The following MAF variants were observed in gnomAD, a reference collection of about 807,000 sequenced individuals.
MAF encodes the protein MAF bZIP transcription factor, also known as transcription factor Maf.
In MAF, 10 loss-of-function variants were observed where a neutral mutation model predicts 22.0. The observed-to-expected ratio is 0.45, with a 90% CI of 0.28 to 0.77. The LOEUF is 0.77. Among genes scored for constraint, MAF ranks in the 30% least tolerant of loss-of-function variants. MAF has a pLI of 0.12. For missense variants in MAF, 544 were observed against 548.4 expected (o/e 0.99, Z 0.08); for synonymous variants, 337 against 255.8 (o/e 1.32, Z -3.03).
the MAF span, among the ~76,000 whole-genome samples, chr16:79,370,617 G>A: frequency 6.6e-6 from 1 of 152,330 alleles, no homozygotes; most frequent in South Asian, 2.1e-4. Context: ...CTAGGGTACA[G>A]AGGGATCATC....
At chr16:79,588,578 C>T (rs1303699992) in intron 1 of MAF, among the ~76,000 whole-genome samples, 1 of 152,086 alleles carries the variant, frequency 6.6e-6, no homozygotes, top group Non-Finnish European at 1.5e-5. Context: ...TCTCCTGTCT[C>T]TGCCTCCTGA....
At chr16:79,281,546 CTTTTTTT>C in the MAF span, among the ~76,000 whole-genome samples, 30 of 115,538 alleles carry the variant, frequency 2.6e-4, no homozygotes, top group East Asian at 7.7e-3. Context: ...TCTTTGAAGA[CTTTTTTT>C]TTTTTTTTTT....
the MAF span, among the ~76,000 whole-genome samples, chr16:79,462,353 A>G: frequency 0.032 from 4,939 of 152,306 alleles, 98 homozygotes; most frequent in South Asian, 0.053. Context: ...ACCAATTGGT[A>G]GTAGACAAGA....
chr16:79,413,076 C>T, the MAF span, among the ~76,000 whole-genome samples: 2 of 152,098 alleles, frequency 1.3e-5, no homozygotes, highest in Non-Finnish European at 2.9e-5. Flanking sequence ...AGAAGCCTCT[C>T]TCTCTCCTTT....
At chr16:79,361,171 C>A in the MAF span, among the ~76,000 whole-genome samples, 4 of 152,306 alleles carry the variant, frequency 2.6e-5, no homozygotes, top group South Asian at 4.1e-4. Context: ...GCAGGGAGAA[C>A]TTTTCTGGTG....
At chr16:79,313,206 A>G in the MAF span, among the ~76,000 whole-genome samples, 1 of 152,352 alleles carries the variant, frequency 6.6e-6, no homozygotes, top group South Asian at 2.1e-4. Flanking sequence ...GCAAGGGCTC[A>G]GTAAATGAAC....
chr16:79,276,791 G>C, the MAF span, among the ~76,000 whole-genome samples: 2 of 152,242 alleles, frequency 1.3e-5, no homozygotes, highest in South Asian at 2.1e-4. Context: ...GCATGGCCTA[G>C]AACAACAGAA....
chr16:79,574,775 A>G, the MAF span, among the ~76,000 whole-genome samples: 1 of 152,166 alleles, frequency 6.6e-6, no homozygotes, highest in African/African-American at 2.4e-5. Context: ...GGGCTTGCTT[A>G]TAAAGAATAG....
chr16:79,227,351 A>C, the MAF span, among the ~76,000 whole-genome samples: 1 of 152,100 alleles, frequency 6.6e-6, no homozygotes, highest in Admixed American at 6.6e-5. Flanking sequence ...ACCCTGTCTC[A>C]CACAAACAAA....
the MAF span, among the ~76,000 whole-genome samples, chr16:79,451,613 T>A: frequency 3.3e-5 from 5 of 152,190 alleles, no homozygotes; most frequent in Non-Finnish European, 7.4e-5. Flanking sequence ...AGGATTAAAA[T>A]GAAACATTCT....
the MAF span, among the ~76,000 whole-genome samples, chr16:79,524,285 C>T: frequency 3.3e-5 from 5 of 152,342 alleles, no homozygotes; most frequent in Non-Finnish European, 4.4e-5. Context: ...TATGCAATAC[C>T]TTCTTGCTCA....
At chr16:79,298,919 G>GGAA in the MAF span, among the ~76,000 whole-genome samples, 1 of 152,236 alleles carries the variant, frequency 6.6e-6, no homozygotes, top group African/African-American at 2.4e-5. Context: ...AGGCAGGTTG[G>GGAA]GAAGCATTGT....
At chr16:79,343,331 A>G in the MAF span, among the ~76,000 whole-genome samples, 3 of 151,860 alleles carry the variant, frequency 2.0e-5, no homozygotes, top group African/African-American at 7.3e-5. Context: ...AGGACTTCCT[A>G]TGTTAGCCTC....
the MAF span, among the ~76,000 whole-genome samples, chr16:79,234,200 G>A: frequency 6.6e-6 from 1 of 151,936 alleles, no homozygotes. Flanking sequence ...TTTTTTGGCA[G>A]AGACTGCCAA....
the MAF span, among the ~76,000 whole-genome samples, chr16:79,470,332 G>C: frequency 6.6e-6 from 1 of 152,134 alleles, no homozygotes; most frequent in Non-Finnish European, 1.5e-5. Flanking sequence ...TTAGGGGATG[G>C]GTCCAGGGCA....
chr16:79,494,445 G>A, the MAF span, among the ~76,000 whole-genome samples: 26 of 152,104 alleles, frequency 1.7e-4, no homozygotes, highest in Non-Finnish European at 2.5e-4. Context: ...GCCACAGGGA[G>A]TCAAATCATT....
the MAF span, among the ~76,000 whole-genome samples, chr16:79,531,090 A>C: frequency 3.9e-5 from 6 of 152,240 alleles, no homozygotes; most frequent in African/African-American, 1.4e-4. Flanking sequence ...AATGGTGTTA[A>C]AGTATGTACT....
the MAF span, among the ~76,000 whole-genome samples, chr16:79,511,538 C>T: frequency 1.4e-4 from 21 of 152,244 alleles, no homozygotes; most frequent in Non-Finnish European, 2.9e-4. Flanking sequence ...ATAAGGGAGA[C>T]GTAGAATGCA....
At chr16:79,493,159 T>C in the MAF span, among the ~76,000 whole-genome samples, 2 of 150,788 alleles carry the variant, frequency 1.3e-5, no homozygotes, top group Non-Finnish European at 3.0e-5. Flanking sequence ...TTTTGTCTTG[T>C]TTTGTTTTGT....
Sources: gnomAD v4.1 joint callset for allele counts (sites outside exome capture counted in the v4.1 genomes callset) on GRCh38, gnomAD v4.1.1 for gene constraint, MANE v1.5 for transcripts, NCBI Gene and HGNC (gene_info 2026-07-23, HGNC 2026-07-21) for gene names.